Variants in PDE7B observed in about 807,000 individuals in gnomAD.
The protein encoded by PDE7B is 3',5'-cyclic-AMP phosphodiesterase 7B.
In PDE7B, 29 loss-of-function variants were observed where a neutral mutation model predicts 56.2. The observed-to-expected ratio is 0.52, with a 90% confidence interval of 0.38 to 0.70. The LOEUF is 0.70. Ranked by LOEUF, PDE7B falls within the 30% of genes least tolerant of loss-of-function variation. The pLI is 0.00. For synonymous variants in PDE7B, 197 were observed against 196.9 expected (o/e 1.00, Z 0.00); for missense variants, 490 against 565.0 (o/e 0.87, Z 1.35).
chr6:136,025,699 C>G (rs772486195), intron 2 of PDE7B, among the ~76,000 whole-genome samples: 1 of 152,112 alleles, frequency 6.6e-6, no homozygotes, highest in African/African-American at 2.4e-5. Flanking sequence ...GACTAGGTAA[C>G]CAGATTTACC....
At chr6:135,863,655 C>T (rs533347675) in intron 1 of PDE7B, among the ~76,000 whole-genome samples, 3 of 149,462 alleles carry the variant, frequency 2.0e-5, no homozygotes, top group South Asian at 2.1e-4. Flanking sequence ...AACTTCCTGG[C>T]GAATTGAAAT....
Position 136,146,696 on chromosome 6 carries a change from C to T in PDE7B, c.167-655C>T, listed in dbSNP as rs139732958. Among the ~76,000 whole-genome samples, 417 of 152,250 alleles carry T rather than the reference C, an allele frequency of 2.7e-3. 2 individuals are homozygous for T. The highest frequency in any genetic ancestry group is 9.5e-3 in the African/African-American group (393 of 41,530). ...GAGAACTTGGCCTAAATGTTTGAGT[C>T]TCAATTCTGCTGTAGTAGAAAAAGA... On this transcript the variant is annotated intron_variant, in intron 3 of 12. Transcript: ENST00000308191.
Position 136,187,075 on chromosome 6 carries a change from T to C in PDE7B, c.1085T>C (p.Leu362Pro). The change falls in exon 12 of 13, where the codon CTT becomes CCT. Residue 362 changes from leucine (L) to proline (P), a missense_variant. By Grantham distance (98) the Leu-to-Pro change is moderately conservative. Transcript: ENST00000308191. ...EQKFELEISP[L>P]CNQQKDSIPS... ...AAATTTGAACTGGAAATCAGTCCTC[T>C]TTGTAATCAACAGAAAGATTCCATC... 6.3e-6 allele frequency: 10 copies of C among 1,591,576 alleles called. No homozygotes were observed. The highest frequency in any genetic ancestry group is 8.6e-6 in the Non-Finnish European group (10 of 1,160,656).
intron 1 of PDE7B, among the ~76,000 whole-genome samples, chr6:135,910,108 G>A (rs1173568269): frequency 2.0e-5 from 3 of 152,190 alleles, no homozygotes; most frequent in Non-Finnish European, 4.4e-5. Flanking sequence ...TGAAATTTAG[G>A]AATGATGTCT....
At chr6:136,178,941 CT>C in intron 9 of PDE7B, 55 bp from the exon 10 acceptor site, 1 of 1,576,756 alleles carries the variant, frequency 6.3e-7, no homozygotes, top group East Asian at 2.2e-5. Context: ...ATCAATCACC[CT>C]CATCAAAGGG....
In PDE7B at chr6:135,915,494, A is replaced by G. The variant is rs1361808591; in HGVS notation, c.22-31970A>G. ...TTTAGCTATTCCTGTAGGCAAGTCT[A>G]ATAGGTGTATCTCATTGTGGGTTTA... is the stretch of plus-strand genomic sequence containing the variant. On this transcript the variant is annotated intron_variant, in intron 1 of 12. Transcript: ENST00000308191. Among the ~76,000 whole-genome samples the G allele has an allele frequency of 3.3e-5, 5 of 152,230 alleles. No individual in the cohort carries two copies. In the South Asian group the frequency reaches 1.0e-3, roughly 32 times the overall value.
intron 1 of PDE7B, among the ~76,000 whole-genome samples, chr6:135,865,499 T>C (rs1477270060): frequency 6.6e-6 from 1 of 152,118 alleles, no homozygotes; most frequent in Non-Finnish European, 1.5e-5. Flanking sequence ...TATAAAACTT[T>C]TGTTGCTTTT....
chr6:136,010,629 GT>G (rs1181459315), intron 2 of PDE7B, among the ~76,000 whole-genome samples: 1 of 151,678 alleles, frequency 6.6e-6, no homozygotes, highest in African/African-American at 2.4e-5. Flanking sequence ...ATTTTTGCTT[GT>G]TTTTTTCTTT....
chr6:135,880,197 G>C (rs1199461264), intron 1 of PDE7B, among the ~76,000 whole-genome samples: 2 of 152,134 alleles, frequency 1.3e-5, no homozygotes, highest in Non-Finnish European at 2.9e-5. Context: ...TTGCCTGACA[G>C]TAAAACAGGA....
At chr6:136,004,345 C>G (rs950501823) in intron 2 of PDE7B, among the ~76,000 whole-genome samples, 3 of 152,116 alleles carry the variant, frequency 2.0e-5, no homozygotes, top group Non-Finnish European at 4.4e-5. Flanking sequence ...GTTGGAAGTT[C>G]TGGCCAGGGC....
At chr6:135,970,447 G>GTCC (rs59796482) in intron 2 of PDE7B, among the ~76,000 whole-genome samples, 73,728 of 151,514 alleles carry the variant, frequency 0.49, 18,722 homozygotes, top group African/African-American at 0.64. Flanking sequence ...ATTATGTGGG[G>GTCC]TCTAGGCCAG....
At chr6:135,912,553 G>T (rs1329193544) in intron 1 of PDE7B, among the ~76,000 whole-genome samples, 1 of 151,966 alleles carries the variant, frequency 6.6e-6, no homozygotes, top group Non-Finnish European at 1.5e-5. Flanking sequence ...TCTAAATGTT[G>T]GGGATTTAAA....
chr6:136,065,941 G>A (rs995436976), intron 2 of PDE7B, among the ~76,000 whole-genome samples: 1 of 152,172 alleles, frequency 6.6e-6, no homozygotes, highest in African/African-American at 2.4e-5. Flanking sequence ...GATCTTCAGA[G>A]TTCTAACTGG....
chr6:135,944,271 G>A (rs1179099720), intron 1 of PDE7B, among the ~76,000 whole-genome samples: 4 of 152,224 alleles, frequency 2.6e-5, no homozygotes, highest in East Asian at 1.9e-4. Context: ...TTTCTGAAAC[G>A]TAGACCCTGT....
At chr6:135,865,615 T>TTGTGTGTG (rs3037648) in intron 1 of PDE7B, among the ~76,000 whole-genome samples, 5,133 of 142,272 alleles carry the variant, frequency 0.036, 207 homozygotes, top group African/African-American at 0.11. Flanking sequence ...GCACTAGGCA[T>TTGTGTGTG]TGTGTGTGTG....
At chr6:136,125,133 G>A (rs1778000363) in intron 3 of PDE7B, among the ~76,000 whole-genome samples, 4 of 152,070 alleles carry the variant, frequency 2.6e-5, no homozygotes, top group Non-Finnish European at 5.9e-5. Flanking sequence ...CCAAAGCGTG[G>A]TATGGGAACA....
intron 1 of PDE7B, among the ~76,000 whole-genome samples, chr6:135,886,535 C>A (rs565204874): frequency 3.7e-4 from 29 of 78,260 alleles, no homozygotes; most frequent in Admixed American, 2.4e-3. Flanking sequence ...TCTCAACCTA[C>A]CCTGAGTCCC....
At chr6:135,854,050 T>G (rs1774982311) in intron 1 of PDE7B, among the ~76,000 whole-genome samples, 1 of 152,210 alleles carries the variant, frequency 6.6e-6, no homozygotes, top group Non-Finnish European at 1.5e-5. Context: ...TTTCAAACAC[T>G]GACACTTTAT....
intron 1 of PDE7B, among the ~76,000 whole-genome samples, chr6:135,918,349 T>C (rs1385008552): frequency 2.6e-5 from 4 of 152,234 alleles, no homozygotes; most frequent in East Asian, 3.8e-4. Flanking sequence ...AGTTTTGTAA[T>C]AGTTTATGGC....
Sources: gnomAD v4.1 joint callset for allele counts (sites outside exome capture counted in the v4.1 genomes callset) on GRCh38, gnomAD v4.1.1 for gene constraint, MANE v1.5 for transcripts, NCBI Gene and HGNC (gene_info 2026-07-23, HGNC 2026-07-21) for gene names.